TENT5A: variants seen among roughly 807,000 people sequenced by gnomAD.
TENT5A encodes the protein terminal nucleotidyltransferase 5A.
A neutral mutation model predicts 30.2 loss-of-function variants in TENT5A; 9 were observed. The observed-to-expected ratio is 0.30, with a 90% CI of 0.18 to 0.52. The LOEUF is 0.52. Among genes scored for constraint, TENT5A ranks in the 20% least tolerant of loss-of-function variants. The pLI, the probability that TENT5A is intolerant of heterozygous loss-of-function variation, is 0.97. For missense variants in TENT5A, 411 were observed against 566.1 expected (o/e 0.73, Z 2.78); for synonymous variants, 264 against 234.2 (o/e 1.13, Z -1.16).
Position 81,751,865 on chromosome 6 carries a change from G to T in TENT5A, c.277C>A (p.Leu93Ile). The T allele has an allele frequency of 5.6e-6, 9 of 1,613,156 alleles. No homozygotes were observed. Among genetic ancestry groups the T allele is most frequent in the Non-Finnish European group, 7.6e-6 (9 of 1,179,910 alleles). The change falls in exon 2 of 3, where the codon CTC becomes ATC. Residue 93 changes from leucine to isoleucine, a missense_variant. Transcript: ENST00000320172. ...PIHGRGNFPT[L>I]ELQPSLIVKV... The stretch of plus-strand genomic sequence containing the variant: ...ACGATCAGGCTCGGCTGCAGCTCGA[G>T]CGTGGGGAAGTTGCCGCGCCCGTGA...
rs1272661632 is a variant in TENT5A at position 81,747,115 on chromosome 6, G to A, written c.*2580C>T. The A allele has an allele frequency of 1.0e-6, 1 of 985,196 alleles. No homozygotes were observed. Among genetic ancestry groups the A allele is most frequent in the Non-Finnish European group, 1.2e-6 (1 of 829,736 alleles). 61.0% of individuals were successfully genotyped at this position (985,196 alleles called of 1,614,324 possible). A position where few individuals can be genotyped will look rare whatever the true frequency, so the allele number is the denominator to read the frequency against. ...TGTTATAAATTAACAGCAGGTTATTGTTATGGCAGAGTCAGAGACCTCCAG... is the reference window on the plus strand; with the variant it reads ...TGTTATAAATTAACAGCAGGTTATTATTATGGCAGAGTCAGAGACCTCCAG... On this transcript the variant is annotated 3_prime_UTR_variant, in exon 3 of 3. Transcript: ENST00000320172.
At position 81,752,654 on chromosome 6, in the gene TENT5A, C is replaced by G; in HGVS notation, c.-261G>C. The G allele has an allele frequency of 1.4e-6, 1 of 718,088 alleles. No homozygotes were observed. The highest frequency in any genetic ancestry group is 1.5e-5 in the South Asian group (1 of 67,596). 44.5% of individuals were successfully genotyped at this position (718,088 alleles called of 1,614,324 possible). On this transcript the variant is annotated 5_prime_UTR_variant, in exon 1 of 3. Transcript: ENST00000320172. ...GGCGGCTCTTGCTGCCACACACGCT[C>G]GTGTCTCTGGAGCTTTAGCAGTTGT...
Position 81,747,251 on chromosome 6 carries a change from G to A in TENT5A, c.*2444C>T. ...CCCTAGTTTTCTTTCAGAAAACTTT[G>A]AAACAACTAAGCAGGCGGAGCTCTG... On this transcript the variant is annotated 3_prime_UTR_variant, in exon 3 of 3. Coordinates refer to ENST00000320172, the MANE Select transcript of TENT5A (RefSeq NM_017633.3). 1 of 985,622 alleles carries A rather than the reference G, an allele frequency of 1.0e-6. No homozygotes were observed. Among genetic ancestry groups the A allele is most frequent in the Non-Finnish European group, 1.2e-6 (1 of 829,912 alleles). 61.1% of individuals were successfully genotyped at this position (985,622 alleles called of 1,614,324 possible). A position where few individuals can be genotyped will look rare whatever the true frequency, so the allele number is the denominator to read the frequency against.
rs1768907261 is a variant in TENT5A, at chr6:81,747,343, A to T, written c.*2352T>A. 1.0e-6 allele frequency: 1 copy of T among 985,746 alleles called. No homozygotes were observed. The highest frequency in any genetic ancestry group is 1.7e-5 in the African/African-American group (1 of 57,240). The allele number at this position is 985,746 out of a possible 1,614,324, so 61.1% of individuals were successfully genotyped here. A position where few individuals can be genotyped will look rare whatever the true frequency, so the allele number is the denominator to read the frequency against. On this transcript the variant is annotated 3_prime_UTR_variant, in exon 3 of 3. Coordinates refer to ENST00000320172, the MANE Select transcript of TENT5A (RefSeq NM_017633.3). ...CAATGTTTCCTGGGAAGTTGCAATT[A>T]ATTTTTCAAACCCAGGGCTTAAGTG...
rs1768903602 is a variant in TENT5A, at chr6:81,747,244, A to C, written c.*2451T>G. 2.0e-6 allele frequency: 2 copies of C among 985,540 alleles called. No homozygotes were observed. Among genetic ancestry groups the C allele is most frequent in the African/African-American group, 3.5e-5 (2 of 57,226 alleles). 61.0% of individuals were successfully genotyped at this position (985,540 alleles called of 1,614,324 possible). ...AGTGCTCCCCTAGTTTTCTTTCAGA[A>C]AACTTTGAAACAACTAAGCAGGCGG... On this transcript the variant is annotated 3_prime_UTR_variant, in exon 3 of 3. Transcript: ENST00000320172.
chr6:81,746,675 T>C lies in TENT5A; in HGVS notation c.*3020A>G, dbSNP rs1292816845. ...AGAAGAGCCTCCAAAAGACAAAACT[T>C]CTTCCTGGTTTAAAGAAACAGCACA... is the stretch of plus-strand genomic sequence containing the variant. On this transcript the variant is annotated 3_prime_UTR_variant, in exon 3 of 3. Transcript: ENST00000320172. 1.6e-6 allele frequency: 2 copies of C among 1,230,130 alleles called. No homozygotes were observed. The highest frequency in any genetic ancestry group is 8.5e-5 in the Admixed American group (2 of 23,660). 76.2% of individuals were successfully genotyped at this position (1,230,130 alleles called of 1,614,324 possible). A position where few individuals can be genotyped will look rare whatever the true frequency, so the allele number is the denominator to read the frequency against.
intron 1 of TENT5A, 38 bp downstream of exon 1, chr6:81,752,393 C>T (rs1459954840): frequency 2.6e-6 from 4 of 1,550,016 alleles, no homozygotes; most frequent in Non-Finnish European, 3.5e-6. Flanking sequence ...ATCTCTGATG[C>T]ATCTGGAAAG....
rs112923873 is a variant in TENT5A, at chr6:81,751,373, G to A, written c.552+217C>T. Among the ~76,000 whole-genome samples the A allele has an allele frequency of 7.9e-5, 12 of 152,310 alleles. No homozygotes were observed. The East Asian group carries it at 1.2e-3, about 15-fold the overall frequency. ...GAGGGCAGAGGAGGACCTGGGAGAA[G>A]AGTTGTAGCGCCAAAGCATCAAGTA... On this transcript the variant is annotated intron_variant, in intron 2 of 2. Transcript: ENST00000320172.
At position 81,750,086 on chromosome 6, in the gene TENT5A, G is replaced by A; in HGVS notation, c.938C>T (p.Thr313Ile). 1 of 1,614,070 alleles carries A rather than the reference G, an allele frequency of 6.2e-7. No homozygotes were observed. The highest frequency in any genetic ancestry group is 8.5e-7 in the Non-Finnish European group (1 of 1,179,990). ...GFRPASDEIK[T>I]LQRYMCSRFF... ...CCTGGAACACATATACCTTTGAAGG[G>A]TCTTGATTTCATCAGAGGCGGGCCT... Residue 313 changes from threonine (T) to isoleucine (I), a missense_variant, in exon 3 of 3, where the codon ACC becomes ATC. By Grantham distance (89) the Thr-to-Ile change is moderately conservative (BLOSUM62 -1). This residue lies in a region of TENT5A where 135 missense variants were observed against 240.0 expected (regional missense o/e 0.56). Transcript: ENST00000320172. The surrounding 1 kb of genome is among the most constrained non-coding windows in gnomAD (Gnocchi z 4.2).
chr6:81,751,596 C>G lies in TENT5A; in HGVS notation c.546G>C (p.Thr182=). The part of the protein sequence containing the change: ...GVNKEKITPL[T]LKEAYVQKMV... ...GCATCTCGGGTGGTGTTACCTTGAGCGTGAGTGGTGTGATCTTCTCTTTGT... is the reference window on the plus strand; with the variant it reads ...GCATCTCGGGTGGTGTTACCTTGAGGGTGAGTGGTGTGATCTTCTCTTTGT... The change falls in exon 2 of 3, where the codon ACG becomes ACC. Residue 182 remains threonine (T), a synonymous_variant. Coordinates refer to ENST00000320172, the MANE Select transcript of TENT5A (RefSeq NM_017633.3). The G allele has an allele frequency of 6.2e-7, 1 of 1,605,688 alleles. No individual in the cohort carries two copies.
chr6:81,752,209 GACGCGCGGCGGCGGAGAGC>G lies in TENT5A; in HGVS notation c.-37-50_-37-32del, dbSNP rs201698941. The G allele has an allele frequency of 0.077, 112,994 of 1,472,760 alleles. 5,153 individuals carry two copies. Among genetic ancestry groups the G allele is most frequent in the African/African-American group, 0.19 (13,341 of 69,984 alleles). 91.2% of individuals were successfully genotyped at this position (1,472,760 alleles called of 1,614,324 possible). A position where few individuals can be genotyped will look rare whatever the true frequency, so the allele number is the denominator to read the frequency against. ...AAGAAAGGGAAAGGAGCGCGGTGAG[GACGCGCGGCGGCGGAGAGC>G]ACGCGCGGCGGCGGAGAGCAGAGGC... is the stretch of plus-strand genomic sequence containing the variant. On this transcript the variant is annotated intron_variant, in intron 1 of 2. Transcript: ENST00000320172.
At position 81,752,403 on chromosome 6, in the gene TENT5A, G is replaced by A. The variant is rs943595910; in HGVS notation, c.-38+28C>T. 7 of 1,549,874 alleles carry A rather than the reference G, an allele frequency of 4.5e-6. No individual in the cohort carries two copies. The African/African-American group carries it at 5.5e-5, about 12-fold the overall frequency. ...AAAGTATCTCTGATGCATCTGGAAA[G>A]CGCAAGCGAGAGTCCCGTCTGTGTC... On this transcript the variant is annotated intron_variant, in intron 1 of 2. Transcript: ENST00000320172.
At chr6:81,752,225 GA>G (rs1769060977) in intron 1 of TENT5A, 47 bp from the exon 2 acceptor site, 1 of 1,254,778 alleles carries the variant, frequency 8.0e-7, no homozygotes, top group African/African-American at 2.2e-5. Flanking sequence ...CGGCGGCGGA[GA>G]GCACGCGCGG....
intron 2 of TENT5A, 119 bp downstream of exon 2, chr6:81,751,471 C>T: frequency 2.2e-6 from 2 of 914,772 alleles, no homozygotes; most frequent in Non-Finnish European, 3.4e-6. Context: ...AGAAATAACG[C>T]GCGCCCAAAC....
rs183613766 is a variant in TENT5A, at chr6:81,746,028, C to T, written c.*3667G>A. On this transcript the variant is annotated 3_prime_UTR_variant, in exon 3 of 3. Transcript: ENST00000320172. ...CGTTCTGCAAGGCTTTGCAGCAAGTCTCGTTAACTTGACATCTTCCAACTT... is the reference window on the plus strand; with the variant it reads ...CGTTCTGCAAGGCTTTGCAGCAAGTTTCGTTAACTTGACATCTTCCAACTT... The T allele has an allele frequency of 2.1e-3, 2,082 of 985,712 alleles. 37 individuals are homozygous for T. In the African/African-American group the frequency reaches 0.03, roughly 14 times the overall value. 61.1% of individuals were successfully genotyped at this position (985,712 alleles called of 1,614,324 possible). A position where few individuals can be genotyped will look rare whatever the true frequency, so the allele number is the denominator to read the frequency against.
At chr6:81,751,540 C>A (rs753174425) in intron 2 of TENT5A, 50 bp downstream of exon 2, 2 of 1,515,360 alleles carry the variant, frequency 1.3e-6, no homozygotes, top group Non-Finnish European at 1.8e-6. Flanking sequence ...CTCCCCGTCA[C>A]ACCCGGCCCA....
At position 81,748,197 on chromosome 6, in the gene TENT5A, T is replaced by C; in HGVS notation, c.*1498A>G. 1.0e-6 allele frequency: 1 copy of C among 985,460 alleles called. No homozygotes were observed. Among genetic ancestry groups the C allele is most frequent in the Non-Finnish European group, 1.2e-6 (1 of 829,802 alleles). 61.0% of individuals were successfully genotyped at this position (985,460 alleles called of 1,614,324 possible). A position where few individuals can be genotyped will look rare whatever the true frequency, so the allele number is the denominator to read the frequency against. ...CAAGTAGTGTTTAGATCACCGGAAA[T>C]CCTTTTTAGCAGTCAGGGATTTAAG... On this transcript the variant is annotated 3_prime_UTR_variant, in exon 3 of 3. Transcript: ENST00000320172.
rs1208096026 is a variant in TENT5A at position 81,752,669 on chromosome 6, T to A, written c.-276A>T. The A allele has an allele frequency of 8.4e-6, 6 of 717,646 alleles. No homozygotes were observed. The highest frequency in any genetic ancestry group is 1.6e-5 in the Non-Finnish European group (6 of 385,424). 44.5% of individuals were successfully genotyped at this position (717,646 alleles called of 1,614,324 possible). A position where few individuals can be genotyped will look rare whatever the true frequency, so the allele number is the denominator to read the frequency against. ...CACACACGCTCGTGTCTCTGGAGCT[T>A]TAGCAGTTGTGCGGGGAAAATGTCT... On this transcript the variant is annotated 5_prime_UTR_variant, in exon 1 of 3. Transcript: ENST00000320172.
In TENT5A at chr6:81,749,410, A is replaced by G. The variant is rs1224323708; in HGVS notation, c.*285T>C. 8.6e-7 allele frequency: 1 copy of G among 1,162,374 alleles called. No individual in the cohort carries two copies. Among genetic ancestry groups the G allele is most frequent in the South Asian group, 3.8e-5 (1 of 26,246 alleles). The allele number at this position is 1,162,374 out of a possible 1,614,324, so 72.0% of individuals were successfully genotyped here. On this transcript the variant is annotated 3_prime_UTR_variant, in exon 3 of 3. Coordinates refer to ENST00000320172, the MANE Select transcript of TENT5A (RefSeq NM_017633.3). Reference sequence around the variant, plus strand: ...TGTCATCACACATTTCTTCTCTTGTATCAGGAGAACCTGGTTGCTTCTAAT... The same window carrying G: ...TGTCATCACACATTTCTTCTCTTGTGTCAGGAGAACCTGGTTGCTTCTAAT...
Sources: gnomAD v4.1 joint callset for allele counts (sites outside exome capture counted in the v4.1 genomes callset) on GRCh38, gnomAD v4.1.1 for gene constraint, gnomAD v4.1.1 regional missense constraint, Gnocchi (gnomAD v3.1) non-coding constraint, MANE v1.5 for transcripts, NCBI Gene and HGNC (gene_info 2026-07-23, HGNC 2026-07-21) for gene names.